The following CSPP1 variants were observed in gnomAD, a reference collection of about 807,000 sequenced individuals.
CSPP1 encodes the protein centrosome and spindle pole-associated protein 1.
Under a neutral mutation model 164.4 loss-of-function variants are expected in CSPP1, and 126 were observed. That is an observed-to-expected ratio of 0.77 (90% confidence interval 0.66 to 0.89). The LOEUF (loss-of-function observed/expected upper bound fraction) is 0.89. Among genes scored for constraint, CSPP1 ranks in the 40% least tolerant of loss-of-function variants. CSPP1 has a pLI of 0.00. For missense variants in CSPP1, 1,395 were observed against 1,449.8 expected (o/e 0.96, Z 0.61); for synonymous variants, 472 against 476.7 (o/e 0.99, Z 0.13).
At chr8:67,177,965 C>T (rs1267795775) in intron 27 of CSPP1, among the ~76,000 whole-genome samples, 1 of 152,122 alleles carries the variant, frequency 6.6e-6, no homozygotes, top group Non-Finnish European at 1.5e-5. Flanking sequence ...TTTTTAGCTG[C>T]GTGACTTAGG....
At chr8:67,190,397 G>A (rs1285257509) in intron 28 of CSPP1, among the ~76,000 whole-genome samples, 1 of 152,054 alleles carries the variant, frequency 6.6e-6, no homozygotes, top group African/African-American at 2.4e-5. Context: ...TTTGCCCGGG[G>A]CCAGCAGGTG....
chr8:67,188,963 GA>G (rs143668007), intron 28 of CSPP1, among the ~76,000 whole-genome samples: 2,301 of 152,320 alleles, frequency 0.015, 61 homozygotes, highest in African/African-American at 0.053. Context: ...CCAGGTCAGA[GA>G]ACAAGAGGCT....
At chr8:67,130,456 TC>T (rs1820994456) in intron 15 of CSPP1, among the ~76,000 whole-genome samples, 1 of 152,210 alleles carries the variant, frequency 6.6e-6, no homozygotes, top group Non-Finnish European at 1.5e-5. Flanking sequence ...CTCTCAACCT[TC>T]TTTATTCATT....
intron 28 of CSPP1, among the ~76,000 whole-genome samples, chr8:67,188,330 G>T: frequency 6.6e-6 from 1 of 152,348 alleles, no homozygotes; most frequent in African/African-American, 2.4e-5. Context: ...CCTAAGCCTA[G>T]CTGGGAAGGT....
At chr8:67,179,180 A>G (rs1483807509) in intron 27 of CSPP1, among the ~76,000 whole-genome samples, 1 of 152,008 alleles carries the variant, frequency 6.6e-6, no homozygotes, top group African/African-American at 2.4e-5. Flanking sequence ...TGTACTGCAA[A>G]ATTCTCTATA....
At chr8:67,160,346 TC>T (rs1361544532) in intron 21 of CSPP1, among the ~76,000 whole-genome samples, 1 of 151,570 alleles carries the variant, frequency 6.6e-6, no homozygotes, top group Non-Finnish European at 1.5e-5. Context: ...GCACCTGTAG[TC>T]CCAGCTACTC....
chr8:67,117,310 A>G (rs1294825632), intron 13 of CSPP1, among the ~76,000 whole-genome samples: 1 of 152,188 alleles, frequency 6.6e-6, no homozygotes, highest in Non-Finnish European at 1.5e-5. Flanking sequence ...GATATTCCCT[A>G]CTGAAGAGAA....
chr8:67,163,901 CGGTTAGGTG>C, intron 23 of CSPP1, 103 bp downstream of exon 23: 1 of 856,692 alleles, frequency 1.2e-6, no homozygotes, highest in Non-Finnish European at 1.8e-6. Flanking sequence ...CAGTATAGAG[CGGTTAGGTG>C]CTGTGTACCC....
intron 9 of CSPP1, among the ~76,000 whole-genome samples, chr8:67,107,983 G>GTTTTTTTTT (rs34204898): frequency 8.7e-5 from 11 of 127,136 alleles, no homozygotes; most frequent in Non-Finnish European, 9.5e-5. Context: ...CTTTGACAAA[G>GTTTTTTTTT]TTTTTTTTTT....
Position 67,103,085 on chromosome 8 carries a change from G to T in CSPP1, c.972G>T (p.Gly324=), listed in dbSNP as rs750069772. The change falls in exon 8 of 31, where the codon GGG becomes GGT. Residue 324 remains glycine (G), a synonymous_variant. Coordinates refer to ENST00000678616, the MANE Select transcript of CSPP1 (RefSeq NM_001382391.1). The part of the protein sequence containing the change: ...RGNMPPMEHD[G]DVIEQSNIRI... ...ATATGCCTCCTATGGAACATGATGGGGATGTTATAGAACAGTCAAACATAA... is the reference window on the plus strand; with the variant it reads ...ATATGCCTCCTATGGAACATGATGGTGATGTTATAGAACAGTCAAACATAA... The T allele has an allele frequency of 2.5e-6, 4 of 1,611,734 alleles. No individual in the cohort carries two copies. Among genetic ancestry groups the T allele is most frequent in the Non-Finnish European group, 3.4e-6 (4 of 1,178,084 alleles).
At chr8:67,139,818 G>GA (rs1823124880) in intron 17 of CSPP1, among the ~76,000 whole-genome samples, 1 of 152,098 alleles carries the variant, frequency 6.6e-6, no homozygotes, top group South Asian at 2.1e-4. Context: ...ACAGGAAGGG[G>GA]AACATCACAC....
chr8:67,071,259 A>G (rs1245372733), intron 1 of CSPP1, among the ~76,000 whole-genome samples: 1 of 151,960 alleles, frequency 6.6e-6, no homozygotes, highest in Non-Finnish European at 1.5e-5. Flanking sequence ...ACTTGCTTGC[A>G]TTTGATATTG....
rs145601423 is a variant in CSPP1, at chr8:67,093,097, A to G, written c.385-446A>G. 5.6e-4 allele frequency among the ~76,000 whole-genome samples: 85 copies of G among 152,254 alleles called. 1 individual carries two copies. Among genetic ancestry groups the G allele is most frequent in the African/African-American group, 2.0e-3 (82 of 41,540 alleles). On this transcript the variant is annotated intron_variant, in intron 5 of 30. Coordinates refer to ENST00000678616, the MANE Select transcript of CSPP1 (RefSeq NM_001382391.1). ...TCATATTTACTAGTGGGAGAGATTT[A>G]TCTCTGAATGCTTTTGGCAGAATAC...
At position 67,195,414 on chromosome 8, in the gene CSPP1, A is replaced by G. The variant is rs1837731592; in HGVS notation, c.3502A>G (p.Ile1168Val). The G allele has an allele frequency of 6.2e-7, 1 of 1,614,128 alleles. No homozygotes were observed. The highest frequency in any genetic ancestry group is 8.5e-7 in the Non-Finnish European group (1 of 1,180,002). Residue 1168 changes from isoleucine (I) to valine (V), a missense_variant, in exon 31 of 31, where the codon ATC (isoleucine) becomes GTC (valine). Transcript: ENST00000678616. ...DESSLVDPDD[I>V]MKHIGDDGSN... The stretch of plus-strand genomic sequence containing the variant: ...GAGTTCACTGGTTGACCCTGATGAC[A>G]TCATGAAACACATAGGGGATGACGG...
chr8:67,137,944 TA>T (rs1176092946), intron 17 of CSPP1, among the ~76,000 whole-genome samples: 1 of 151,878 alleles, frequency 6.6e-6, no homozygotes, highest in East Asian at 1.9e-4. Context: ...TATTACAATT[TA>T]AAAAAAATAA....
At chr8:67,177,404 C>CTGCA (rs1455929334) in intron 26 of CSPP1, among the ~76,000 whole-genome samples, 1 of 152,108 alleles carries the variant, frequency 6.6e-6, no homozygotes, top group Non-Finnish European at 1.5e-5. Flanking sequence ...GTGAAGGATC[C>CTGCA]TGCATTGATC....
intron 19 of CSPP1, among the ~76,000 whole-genome samples, chr8:67,155,506 T>C (rs1337110304): frequency 6.6e-6 from 1 of 152,172 alleles, no homozygotes; most frequent in African/African-American, 2.4e-5. Context: ...TAAGGATGAT[T>C]GATATTAGGC....
intron 28 of CSPP1, among the ~76,000 whole-genome samples, chr8:67,187,764 C>T (rs906751307): frequency 2.0e-4 from 31 of 152,084 alleles, no homozygotes; most frequent in African/African-American, 3.4e-4. Flanking sequence ...GACAAAGGAC[C>T]AAAGGCAGTA....
Position 67,159,051 on chromosome 8 carries a change from A to G in CSPP1, c.2452A>G (p.Arg818Gly). Reference sequence around the variant, plus strand: ...TGAAGAAAGACAAAAAGAAGCAGAAAGAAAGAAGAAAGAAGAAGAAGAAAA... The same window carrying G: ...TGAAGAAAGACAAAAAGAAGCAGAAGGAAAGAAGAAAGAAGAAGAAGAAAA... ...LAEERQKEAERKKKEEEEKYN... is the reference protein window; with the variant it reads ...LAEERQKEAEGKKKEEEEKYN... The change falls in exon 21 of 31, where the codon AGA becomes GGA. Residue 818 changes from arginine to glycine, a missense_variant. By Grantham distance (125) the Arg-to-Gly change is moderately radical. Transcript: ENST00000678616. 1 of 1,612,454 alleles carries G rather than the reference A, an allele frequency of 6.2e-7. No individual in the cohort carries two copies. The highest frequency in any genetic ancestry group is 8.5e-7 in the Non-Finnish European group (1 of 1,179,030).
Sources: allele counts gnomAD v4.1 joint callset (sites outside exome capture counted in the v4.1 genomes callset), GRCh38; gene constraint gnomAD v4.1.1; transcripts MANE v1.5; gene names NCBI Gene and HGNC (gene_info 2026-07-23, HGNC 2026-07-21).